The following HLTF variants were observed in gnomAD, a reference collection of about 807,000 sequenced individuals.
HLTF encodes the protein DNA-dependent ATPase/E3 ubiquitin-protein ligase HLTF.
Under a neutral mutation model 129.4 loss-of-function variants are expected in HLTF, and 127 were observed. That is an observed-to-expected ratio of 0.98 (90% CI 0.85 to 1.14). The LOEUF (loss-of-function observed/expected upper bound fraction) is 1.14. Among genes scored for constraint, HLTF ranks in the 50% most tolerant of loss-of-function variants. HLTF has a pLI of 0.00. For missense variants in HLTF, 1,139 were observed against 1,187.1 expected (o/e 0.96, Z 0.60); for synonymous variants, 332 against 388.8 (o/e 0.85, Z 1.72).
At chr3:149,060,075 C>T (rs1397843313) in intron 12 of HLTF, among the ~76,000 whole-genome samples, 1 of 152,040 alleles carries the variant, frequency 6.6e-6, no homozygotes, top group Non-Finnish European at 1.5e-5. Context: ...TAATTCGGCT[C>T]TCAGGTGGAA....
intron 15 of HLTF, 78 bp from the exon 16 acceptor site, chr3:149,049,079 TATC>T (rs961716660): frequency 1.2e-4 from 108 of 929,488 alleles, no homozygotes; most frequent in Non-Finnish European, 1.5e-4. Context: ...AACTAGTTGT[TATC>T]ATTATTTAAT....
chr3:149,072,875 T>C (rs1034996384), intron 5 of HLTF, among the ~76,000 whole-genome samples: 3 of 152,222 alleles, frequency 2.0e-5, no homozygotes, highest in Admixed American at 1.3e-4. Flanking sequence ...TAGCACTGCA[T>C]TTGCAAAATT....
At chr3:149,039,382 C>T (rs1715924371) in intron 22 of HLTF, among the ~76,000 whole-genome samples, 153 bp from the exon 23 acceptor site, 1 of 152,162 alleles carries the variant, frequency 6.6e-6, no homozygotes, top group Non-Finnish European at 1.5e-5. Context: ...GGCACTGAGT[C>T]AGTCATTTTC....
At position 149,084,892 on chromosome 3, in the gene HLTF, A is replaced by ATT; in HGVS notation, c.21-5_21-4dup. ...GCAAGTACTTCCAAACTGGATCCCT[A>ATT]TTTTTTTTTAAAGGCAAAGAAAAAC... On this transcript the variant is annotated splice_region_variant and splice_polypyrimidine_tract_variant and intron_variant, in intron 1 of 24. Transcript: ENST00000310053. The ATT allele has an allele frequency of 1.3e-6, 2 of 1,567,104 alleles. No individual in the cohort carries two copies. The highest frequency in any genetic ancestry group is 2.3e-5 in the East Asian group (1 of 43,642).
At chr3:149,035,682 A>C (rs1421934500) in intron 23 of HLTF, among the ~76,000 whole-genome samples, 2 of 77,250 alleles carry the variant, frequency 2.6e-5, no homozygotes, top group Admixed American at 1.6e-4. Context: ...AAAAAAAAAA[A>C]AGGGGGTTTT....
rs762802534 is a variant in HLTF, at chr3:149,032,391, A to G, written c.2878-19T>C. On this transcript the variant is annotated intron_variant, in intron 24 of 24. Coordinates refer to ENST00000310053, the MANE Select transcript of HLTF (RefSeq NM_003071.4). ...CAATGAACTTTAAAAAGAAAAAAAA[A>G]AGTTAAGTAGTTTTTAAGGCATAGT... 3.5e-6 allele frequency: 5 copies of G among 1,409,698 alleles called. No individual in the cohort carries two copies. The highest frequency in any genetic ancestry group is 4.8e-6 in the Non-Finnish European group (5 of 1,050,896). The allele number at this position is 1,409,698 out of a possible 1,614,324, so 87.3% of individuals were successfully genotyped here. A position where few individuals can be genotyped will look rare whatever the true frequency, so the allele number is the denominator to read the frequency against.
At chr3:149,061,906 T>C (rs1717989385) in intron 10 of HLTF, among the ~76,000 whole-genome samples, 1 of 149,114 alleles carries the variant, frequency 6.7e-6, no homozygotes, top group African/African-American at 2.5e-5. Context: ...TCTAACACAA[T>C]GAAATAAGCA....
chr3:149,053,846 A>T (rs1242612580), intron 14 of HLTF, among the ~76,000 whole-genome samples: 1 of 152,180 alleles, frequency 6.6e-6, no homozygotes, highest in African/African-American at 2.4e-5. Context: ...TTATACCTCC[A>T]TTAATACTCT....
At chr3:149,062,208 A>G (rs538995982) in intron 10 of HLTF, among the ~76,000 whole-genome samples, 67 of 152,384 alleles carry the variant, frequency 4.4e-4, no homozygotes, top group Admixed American at 1.0e-3. Context: ...TAACATAACT[A>G]TTAGCTATAA....
At chr3:149,077,118 C>T (rs562717883) in intron 2 of HLTF, among the ~76,000 whole-genome samples, 5 of 151,992 alleles carry the variant, frequency 3.3e-5, no homozygotes, top group South Asian at 2.1e-4. Flanking sequence ...TGTGGTGGCA[C>T]GCGCCTGTAG....
At chr3:149,061,263 T>C (rs970150090) in intron 10 of HLTF, among the ~76,000 whole-genome samples, 2 of 151,878 alleles carry the variant, frequency 1.3e-5, no homozygotes, top group African/African-American at 2.4e-5. Flanking sequence ...ATAAATTTGA[T>C]AGCCGGGCGT....
intron 14 of HLTF, among the ~76,000 whole-genome samples, chr3:149,053,157 G>C (rs537193278): frequency 6.6e-6 from 1 of 152,074 alleles, no homozygotes; most frequent in Non-Finnish European, 1.5e-5. Flanking sequence ...CCAGGAAGAC[G>C]GTATCTTGTT....
intron 7 of HLTF, among the ~76,000 whole-genome samples, chr3:149,070,343 A>C (rs926486974): frequency 4.6e-5 from 7 of 152,254 alleles, no homozygotes; most frequent in African/African-American, 1.4e-4. Context: ...GCTGCCATCT[A>C]TTCGGCCAAA....
rs767562758 is a variant in HLTF at position 149,084,901 on chromosome 3, T to C, written c.21-12A>G. On this transcript the variant is annotated splice_polypyrimidine_tract_variant and intron_variant, in intron 1 of 24. Coordinates refer to ENST00000310053, the MANE Select transcript of HLTF (RefSeq NM_003071.4). Reference sequence around the variant, plus strand: ...TCCAAACTGGATCCCTATTTTTTTTTAAAGGCAAAGAAAAACAATATAATA... The same window carrying C: ...TCCAAACTGGATCCCTATTTTTTTTCAAAGGCAAAGAAAAACAATATAATA... The C allele has an allele frequency of 1.3e-5, 20 of 1,579,142 alleles. No homozygotes were observed. The highest frequency in any genetic ancestry group is 1.6e-5 in the Non-Finnish European group (18 of 1,150,780).
chr3:149,042,822 C>T (rs1272634634), intron 18 of HLTF, among the ~76,000 whole-genome samples: 1 of 152,104 alleles, frequency 6.6e-6, no homozygotes, highest in Non-Finnish European at 1.5e-5. Flanking sequence ...TAAAGTAACT[C>T]AACATGTAAC....
Position 149,064,833 on chromosome 3 carries a change from C to T in HLTF, c.1024G>A (p.Gly342Arg). ...YNVNDDSMKL[G>R]GNNTSEKADG... ...GCCTTTTCACTGGTATTGTTTCCTC[C>T]AAGTTTCATAGAGTCATCGTTAACA... Residue 342 changes from glycine (G) to arginine (R), a missense_variant, in exon 9 of 25, where the codon GGA (glycine) becomes AGA (arginine). Physicochemically the swap from Gly to Arg is moderately radical, Grantham distance 125 (BLOSUM62 -2). Transcript: ENST00000310053. 6.2e-7 allele frequency: 1 copy of T among 1,600,964 alleles called. No homozygotes were observed. Among genetic ancestry groups the T allele is most frequent in the Non-Finnish European group, 8.6e-7 (1 of 1,168,696 alleles).
intron 2 of HLTF, 32 bp from the exon 3 acceptor site, chr3:149,076,079 T>C: frequency 1.2e-6 from 1 of 826,120 alleles, no homozygotes; most frequent in Non-Finnish European, 1.9e-6. Context: ...TAATATTACA[T>C]TATAAATAAT....
chr3:149,081,371 C>A (rs1348988746), intron 2 of HLTF, among the ~76,000 whole-genome samples: 2 of 151,182 alleles, frequency 1.3e-5, no homozygotes, highest in African/African-American at 2.4e-5. Context: ...AAAGGCAACG[C>A]AATACTTAAC....
intron 10 of HLTF, among the ~76,000 whole-genome samples, chr3:149,062,483 C>CCT (rs1718029089): frequency 6.6e-6 from 1 of 152,220 alleles, no homozygotes; most frequent in Non-Finnish European, 1.5e-5. Context: ...GATGAAATAG[C>CCT]TAGCAGAGAC....
Sources: allele counts gnomAD v4.1 joint callset (sites outside exome capture counted in the v4.1 genomes callset), GRCh38; gene constraint gnomAD v4.1.1; transcripts MANE v1.5; gene names NCBI Gene and HGNC (gene_info 2026-07-23, HGNC 2026-07-21).